Variants in RPF2 observed in about 807,000 individuals in gnomAD.
RPF2 encodes ribosome production factor 2 homolog, also known as brix domain containing 1.
RPF2 carries 21 observed loss-of-function variants against 38.9 expected under a neutral mutation model. That is an observed-to-expected ratio of 0.54 (90% CI 0.38 to 0.78). RPF2 has a LOEUF of 0.78. Ranked by LOEUF, RPF2 falls within the 30% of genes least tolerant of loss-of-function variation. The pLI is 0.00. For synonymous variants in RPF2, 121 were observed against 126.2 expected (o/e 0.96, Z 0.28); for missense variants, 314 against 358.1 (o/e 0.88, Z 0.99).
In RPF2 at chr6:111,015,789, C is replaced by G. The variant is rs1471340436; in HGVS notation, c.529C>G (p.Leu177Val). Residue 177 changes from leucine to valine, a missense_variant, in exon 8 of 10, where the codon CTG (leucine) becomes GTG (valine). Coordinates refer to ENST00000441448, the MANE Select transcript of RPF2 (RefSeq NM_032194.3). ...AGGCCCCACAGTATCAAATATCCGC[C>G]TGGCTGGATTAGAGTATGTTCTGCA... ...FRGPTVSNIR[L>V]AGLEYVLHFT... The G allele has an allele frequency of 1.9e-6, 3 of 1,612,866 alleles. No homozygotes were observed. In the African/African-American group the frequency reaches 4.0e-5, roughly 22 times the overall value.
chr6:111,013,131 A>G (rs944887355), intron 7 of RPF2, among the ~76,000 whole-genome samples: 1 of 152,204 alleles, frequency 6.6e-6, no homozygotes, highest in Non-Finnish European at 1.5e-5. Context: ...AGAATGGTTT[A>G]TACTGTTCTC....
intron 3 of RPF2, among the ~76,000 whole-genome samples, chr6:110,990,738 A>C (rs1302001452): frequency 6.6e-6 from 1 of 151,498 alleles, no homozygotes; most frequent in African/African-American, 2.4e-5. Flanking sequence ...GTGCCCAGCT[A>C]ATTTTTGTAT....
chr6:111,010,103 T>G (rs1182154838), intron 7 of RPF2, among the ~76,000 whole-genome samples: 1 of 151,598 alleles, frequency 6.6e-6, no homozygotes, highest in African/African-American at 2.4e-5. Context: ...GGTCTGTCTC[T>G]CTGTCCCTCA....
chr6:110,984,874 AAGTG>A (rs1023893708), intron 1 of RPF2, 128 bp from the exon 2 acceptor site: 5 of 1,006,082 alleles, frequency 5.0e-6, no homozygotes, highest in South Asian at 3.6e-5. Context: ...AAAAAAAAGA[AAGTG>A]AGATTTTTTT....
chr6:110,990,218 G>A (rs140992168), intron 3 of RPF2, among the ~76,000 whole-genome samples: 4,286 of 152,186 alleles, frequency 0.028, 105 homozygotes, highest in South Asian at 0.1. Flanking sequence ...GATTACAGGC[G>A]TGAGCCACCG....
At chr6:111,017,456 C>T (rs1193299500) in intron 8 of RPF2, among the ~76,000 whole-genome samples, 3 of 149,212 alleles carry the variant, frequency 2.0e-5, no homozygotes, top group African/African-American at 4.9e-5. Context: ...ACTTCTCAGA[C>T]GGGGCGGCTG....
chr6:111,003,089 C>T (rs200914689), intron 6 of RPF2, among the ~76,000 whole-genome samples: 6 of 136,838 alleles, frequency 4.4e-5, no homozygotes, highest in Admixed American at 7.2e-5. Context: ...ACCCCCCCCC[C>T]TTTTTTTTTC....
At chr6:110,984,878 G>A in intron 1 of RPF2, 128 bp from the exon 2 acceptor site, 3 of 1,020,934 alleles carry the variant, frequency 2.9e-6, no homozygotes, top group Non-Finnish European at 4.2e-6. Context: ...AAAAGAAAGT[G>A]AGATTTTTTT....
intron 8 of RPF2, among the ~76,000 whole-genome samples, chr6:111,021,526 A>G (rs9374249): frequency 0.11 from 16,882 of 152,174 alleles, 1,747 homozygotes; most frequent in East Asian, 0.58. Flanking sequence ...GGGATTCAGC[A>G]TCACCTCTGA....
intron 4 of RPF2, among the ~76,000 whole-genome samples, chr6:110,995,990 G>T (rs1045084962): frequency 6.6e-6 from 1 of 151,794 alleles, no homozygotes; most frequent in African/African-American, 2.4e-5. Flanking sequence ...CTAATTTTTT[G>T]TATTTTTCTT....
intron 6 of RPF2, among the ~76,000 whole-genome samples, chr6:111,007,616 G>A (rs1771934387): frequency 6.6e-6 from 1 of 152,110 alleles, no homozygotes; most frequent in African/African-American, 2.4e-5. Flanking sequence ...TTAATAAAAT[G>A]TGAAAATAAA....
At position 111,026,222 on chromosome 6, in the gene RPF2, TTAAG is replaced by T. The variant is rs1312162248; in HGVS notation, c.*641_*644del. The T allele has an allele frequency of 6.6e-6, 1 of 152,354 alleles. No homozygotes were observed. Among genetic ancestry groups the T allele is most frequent in the African/African-American group, 2.4e-5 (1 of 41,426 alleles). The allele number at this position is 152,354 out of a possible 1,614,324, so 9.4% of individuals were successfully genotyped here. A position where few individuals can be genotyped will look rare whatever the true frequency, so the allele number is the denominator to read the frequency against. On this transcript the variant is annotated 3_prime_UTR_variant, in exon 10 of 10. Transcript: ENST00000441448. ...CCTGTGTTTTTTGGTTGGTTTGTTT[TTAAG>T]AGATGGGGTCTTGTTCTGTCACCTA...
intron 2 of RPF2, among the ~76,000 whole-genome samples, chr6:110,986,295 G>C (rs1771524936): frequency 6.6e-6 from 1 of 152,192 alleles, no homozygotes; most frequent in Non-Finnish European, 1.5e-5. Flanking sequence ...TGATTAGAGA[G>C]GGTTGAGAGC....
intron 5 of RPF2, among the ~76,000 whole-genome samples, chr6:110,997,973 C>A (rs1001669732): frequency 6.6e-6 from 1 of 151,312 alleles, no homozygotes; most frequent in Admixed American, 6.6e-5. Context: ...GGCCCAATCT[C>A]GGCTCACTAC....
chr6:111,021,783 C>T (rs1772239229), intron 8 of RPF2, among the ~76,000 whole-genome samples: 1 of 152,156 alleles, frequency 6.6e-6, no homozygotes, highest in African/African-American at 2.4e-5. Flanking sequence ...CTGTGGAACC[C>T]TTTCCCTCGC....
At chr6:110,985,172 G>A (rs779595772) in intron 2 of RPF2, 34 bp downstream of exon 2, 35 of 1,555,652 alleles carry the variant, frequency 2.2e-5, no homozygotes, top group Non-Finnish European at 3.1e-5. Context: ...AAAAGGTATT[G>A]AAGTCATTTT....
intron 8 of RPF2, among the ~76,000 whole-genome samples, chr6:111,020,995 TC>T (rs1772222318): frequency 6.6e-6 from 1 of 151,764 alleles, no homozygotes; most frequent in Non-Finnish European, 1.5e-5. Flanking sequence ...CGGTGAAACA[TC>T]ATCTATACTA....
chr6:111,022,069 A>G (rs937623105), intron 8 of RPF2, among the ~76,000 whole-genome samples: 2 of 152,228 alleles, frequency 1.3e-5, no homozygotes, highest in African/African-American at 2.4e-5. Flanking sequence ...TTCACTATGG[A>G]GTCAGAGCCA....
In RPF2 at chr6:110,991,869, A is replaced by AT. The variant is rs5879083; in HGVS notation, c.234+90dup. The AT allele has an allele frequency of 2.9e-4, 141 of 491,148 alleles. 1 individual carries two copies. The highest frequency in any genetic ancestry group is 2.6e-3 in the African/African-American group (130 of 49,640). 30.4% of individuals were successfully genotyped at this position (491,148 alleles called of 1,614,324 possible). A position where few individuals can be genotyped will look rare whatever the true frequency, so the allele number is the denominator to read the frequency against. On this transcript the variant is annotated intron_variant, in intron 4 of 9. Coordinates refer to ENST00000441448, the MANE Select transcript of RPF2 (RefSeq NM_032194.3). Reference sequence around the variant, plus strand: ...AATTCATTTGTACTCCAAATTTGTGATTTTTTTAAACATTAGAAGTCATCC... The same window carrying AT: ...AATTCATTTGTACTCCAAATTTGTGATTTTTTTTAAACATTAGAAGTCATCC...
Sources: gnomAD v4.1 joint callset for allele counts (sites outside exome capture counted in the v4.1 genomes callset) on GRCh38, gnomAD v4.1.1 for gene constraint, MANE v1.5 for transcripts, NCBI Gene and HGNC (gene_info 2026-07-23, HGNC 2026-07-21) for gene names.